NSMCE2: variants seen among roughly 807,000 people sequenced by gnomAD.
The protein encoded by NSMCE2 is E3 SUMO-protein ligase NSE2.
A neutral mutation model predicts 23.8 loss-of-function variants in NSMCE2; 24 were observed. That is an observed-to-expected ratio of 1.01 (90% CI 0.73 to 1.42). The LOEUF (loss-of-function observed/expected upper bound fraction) is 1.42. Ranked by LOEUF, NSMCE2 falls within the 40% of genes most tolerant of loss-of-function variation. NSMCE2 has a pLI of 0.00. For missense variants in NSMCE2, 284 were observed against 296.5 expected (o/e 0.96, Z 0.31); for synonymous variants, 92 against 94.1 (o/e 0.98, Z 0.13).
intron 5 of NSMCE2, among the ~76,000 whole-genome samples, chr8:125,222,933 G>A (rs1027149841): frequency 2.0e-5 from 3 of 151,926 alleles, no homozygotes; most frequent in Non-Finnish European, 4.4e-5. Flanking sequence ...GTGGTGGTGT[G>A]TGCCTGTATT....
intron 5 of NSMCE2, among the ~76,000 whole-genome samples, chr8:125,245,072 A>G (rs1454788157): frequency 2.6e-5 from 4 of 152,198 alleles, no homozygotes; most frequent in Admixed American, 2.6e-4. Flanking sequence ...ACCTGAGGTC[A>G]GGAGTTCAAG....
At position 125,093,113 on chromosome 8, in the gene NSMCE2, T is replaced by C. The variant is rs1404803619; in HGVS notation, c.-111+1155T>C. Among the ~76,000 whole-genome samples the C allele has an allele frequency of 2.6e-5, 4 of 152,310 alleles. No individual in the cohort carries two copies. The East Asian group carries it at 7.7e-4, about 29-fold the overall frequency. Reference sequence around the variant, plus strand: ...TGTAACGGAAATGCCATAAACTAGGTAGCTTATGAACAACAGAAATTTATT... The same window carrying C: ...TGTAACGGAAATGCCATAAACTAGGCAGCTTATGAACAACAGAAATTTATT... On this transcript the variant is annotated intron_variant, in intron 1 of 7. Transcript: ENST00000287437.
intron 5 of NSMCE2, among the ~76,000 whole-genome samples, chr8:125,252,181 T>C (rs562337277): frequency 2.0e-5 from 3 of 152,220 alleles, no homozygotes; most frequent in South Asian, 2.1e-4. Context: ...GAGAAGCTAA[T>C]GTATGAGACT....
intron 5 of NSMCE2, among the ~76,000 whole-genome samples, chr8:125,298,438 A>C (rs1378863563): frequency 6.6e-6 from 1 of 152,188 alleles, no homozygotes; most frequent in Non-Finnish European, 1.5e-5. Context: ...CCCAGCCAGT[A>C]AACGTGAGAT....
chr8:125,366,965 A>T lies in NSMCE2; in HGVS notation c.*80A>T, dbSNP rs975325056. 4 of 777,678 alleles carry T rather than the reference A, an allele frequency of 5.1e-6. No individual in the cohort carries two copies. The highest frequency in any genetic ancestry group is 1.7e-5 in the African/African-American group (1 of 58,086). The allele number at this position is 777,678 out of a possible 1,614,324, so 48.2% of individuals were successfully genotyped here. On this transcript the variant is annotated 3_prime_UTR_variant, in exon 8 of 8. Transcript: ENST00000287437. ...TGTTGAGAGCAGTGCTGACCCCAGCAGTTAGGGACTGGCTGCATAGCATAC... is the reference window on the plus strand; with the variant it reads ...TGTTGAGAGCAGTGCTGACCCCAGCTGTTAGGGACTGGCTGCATAGCATAC...
At chr8:125,262,637 T>G (rs1826742823) in intron 5 of NSMCE2, among the ~76,000 whole-genome samples, 1 of 152,160 alleles carries the variant, frequency 6.6e-6, no homozygotes, top group African/African-American at 2.4e-5. Flanking sequence ...AATTTGGAGC[T>G]CAATGCTTTT....
At chr8:125,164,543 A>C (rs1028045326) in intron 4 of NSMCE2, among the ~76,000 whole-genome samples, 1 of 152,192 alleles carries the variant, frequency 6.6e-6, no homozygotes, top group African/African-American at 2.4e-5. Flanking sequence ...GACTCCCCAC[A>C]CTGATGTGGC....
At chr8:125,250,333 TAAA>T (rs35831885) in intron 5 of NSMCE2, among the ~76,000 whole-genome samples, 2 of 151,448 alleles carry the variant, frequency 1.3e-5, no homozygotes, top group African/African-American at 4.9e-5. Context: ...TTTTTCTTTT[TAAA>T]AAAAAAGCAT....
intron 3 of NSMCE2, among the ~76,000 whole-genome samples, chr8:125,147,373 A>G (rs981849539): frequency 5.6e-4 from 85 of 152,226 alleles, no homozygotes; most frequent in African/African-American, 2.0e-3. Context: ...AAGAGTTGCT[A>G]TAATTCTTTG....
chr8:125,197,430 C>T (rs1823672934), intron 5 of NSMCE2, among the ~76,000 whole-genome samples: 1 of 152,148 alleles, frequency 6.6e-6, no homozygotes, highest in South Asian at 2.1e-4. Context: ...AGCCAGTTTT[C>T]CCAGCACCAT....
chr8:125,241,834 T>C (rs1040880919), intron 5 of NSMCE2, among the ~76,000 whole-genome samples: 5 of 152,226 alleles, frequency 3.3e-5, no homozygotes, highest in Admixed American at 1.3e-4. Context: ...TGAGCTGCTA[T>C]GTGTTAGGCA....
At chr8:125,132,500 T>A (rs1225870041) in intron 3 of NSMCE2, among the ~76,000 whole-genome samples, 1 of 92,786 alleles carries the variant, frequency 1.1e-5, no homozygotes, top group South Asian at 4.8e-4. Flanking sequence ...AAAATTTTGG[T>A]TTTTTTTTTT....
intron 7 of NSMCE2, 91 bp downstream of exon 7, chr8:125,357,909 GTC>G: frequency 1.2e-6 from 1 of 849,472 alleles, no homozygotes; most frequent in Non-Finnish European, 2.0e-6. Flanking sequence ...GCACTTCAAT[GTC>G]TCTTCTAAAT....
At chr8:125,225,263 T>C (rs569185040) in intron 5 of NSMCE2, among the ~76,000 whole-genome samples, 7 of 152,220 alleles carry the variant, frequency 4.6e-5, no homozygotes, top group Middle Eastern at 3.2e-3. Context: ...AAGAAACAAA[T>C]TAGCTAAAAG....
intron 5 of NSMCE2, among the ~76,000 whole-genome samples, chr8:125,196,239 C>A (rs1349564522): frequency 3.4e-5 from 5 of 146,656 alleles, no homozygotes; most frequent in African/African-American, 1.3e-4. Flanking sequence ...TTCTAGGGTA[C>A]ATGTGCACAA....
intron 5 of NSMCE2, among the ~76,000 whole-genome samples, chr8:125,307,397 T>G (rs1208312827): frequency 6.6e-6 from 1 of 152,220 alleles, no homozygotes; most frequent in Non-Finnish European, 1.5e-5. Context: ...TAATGTGTTG[T>G]CAGATCAGAA....
chr8:125,142,467 A>G (rs1461391000), intron 3 of NSMCE2, among the ~76,000 whole-genome samples: 2 of 152,174 alleles, frequency 1.3e-5, no homozygotes, highest in Non-Finnish European at 1.5e-5. Flanking sequence ...AAACATGACT[A>G]TAAAGGTGAC....
intron 5 of NSMCE2, among the ~76,000 whole-genome samples, chr8:125,281,365 T>A (rs953311312): frequency 6.6e-6 from 1 of 152,200 alleles, no homozygotes; most frequent in Non-Finnish European, 1.5e-5. Flanking sequence ...AAGATAAAAG[T>A]TCAGTCACTA....
At chr8:125,231,191 G>T (rs1255963028) in intron 5 of NSMCE2, among the ~76,000 whole-genome samples, 2 of 152,158 alleles carry the variant, frequency 1.3e-5, no homozygotes, top group Non-Finnish European at 2.9e-5. Flanking sequence ...ATTAGTAAAA[G>T]ATGCTTATAG....
Sources: allele counts gnomAD v4.1 joint callset (sites outside exome capture counted in the v4.1 genomes callset), GRCh38; gene constraint gnomAD v4.1.1; transcripts MANE v1.5; gene names NCBI Gene and HGNC (gene_info 2026-07-23, HGNC 2026-07-21).